Variants in TATDN2 observed in about 807,000 individuals in gnomAD.
TATDN2 encodes 3'-5' RNA nuclease TATDN2.
TATDN2 carries 44 observed loss-of-function variants against 60.3 expected under a neutral mutation model. The observed-to-expected ratio is 0.73, with a 90% CI of 0.57 to 0.94. The LOEUF (loss-of-function observed/expected upper bound fraction) is 0.94. TATDN2 is among the 40% of genes least tolerant of loss of function. The probability of loss-of-function intolerance (pLI) is 0.00; values close to 1 mark genes in which losing one functional copy is unlikely to be tolerated. For missense variants in TATDN2, 997 were observed against 948.0 expected (o/e 1.05, Z -0.68); for synonymous variants, 399 against 355.8 (o/e 1.12, Z -1.37).
rs1243806239 is a variant in TATDN2, at chr3:10,276,605, T to TC, written c.1961+118dup. ...CACTATCTATTCTTTTTTTTTTTTT[T>TC]CGAGACGGAATCTCACCCTGTCGCC... On this transcript the variant is annotated intron_variant, in intron 5 of 7. Coordinates refer to ENST00000448281, the MANE Select transcript of TATDN2 (RefSeq NM_014760.4). 6 of 1,269,156 alleles carry TC rather than the reference T, an allele frequency of 4.7e-6. No homozygotes were observed. The African/African-American group carries it at 6.1e-5, about 13-fold the overall frequency. The allele number at this position is 1,269,156 out of a possible 1,614,324, so 78.6% of individuals were successfully genotyped here. A position where few individuals can be genotyped will look rare whatever the true frequency, so the allele number is the denominator to read the frequency against.
At chr3:10,253,553 G>A (rs988917802) in intron 2 of TATDN2, among the ~76,000 whole-genome samples, 6 of 152,144 alleles carry the variant, frequency 3.9e-5, no homozygotes, top group Non-Finnish European at 8.8e-5. Context: ...ACTGTGTGAC[G>A]AGCACCTTCA....
chr3:10,266,931 C>CTTTTT (rs199956355), intron 3 of TATDN2, among the ~76,000 whole-genome samples: 6 of 126,884 alleles, frequency 4.7e-5, no homozygotes, highest in Admixed American at 2.5e-4. Context: ...CTAAGGCAGT[C>CTTTTT]TTTTTTTTTT....
Position 10,278,334 on chromosome 3 carries a change from A to C in TATDN2, c.2017A>C (p.Asn673His). 3 of 1,614,150 alleles carry C rather than the reference A, an allele frequency of 1.9e-6. No individual in the cohort carries two copies. The highest frequency in any genetic ancestry group is 2.5e-6 in the Non-Finnish European group (3 of 1,180,016). ...TGAGCCCCTGCTGAAGTACTTTCCC[A>C]ACATGTCTGTGGGCTTCACGGCAGT... is the stretch of plus-strand genomic sequence containing the variant. ...VIEPLLKYFP[N>H]MSVGFTAVLT... is the part of the protein sequence containing the mutation. Residue 673 changes from asparagine to histidine, a missense_variant, in exon 6 of 8, where the codon AAC becomes CAC. Transcript: ENST00000448281. The surrounding 1 kb of genome is among the most constrained non-coding windows in gnomAD (Gnocchi z 4.7).
chr3:10,276,592 T>C, intron 5 of TATDN2, 104 bp downstream of exon 5: 1 of 355,176 alleles, frequency 2.8e-6, no homozygotes, highest in South Asian at 9.1e-5. Context: ...CTATCTATTC[T>C]TTTTTTTTTT....
intron 4 of TATDN2, among the ~76,000 whole-genome samples, chr3:10,274,012 C>A (rs1379637699): frequency 1.3e-5 from 2 of 152,148 alleles, no homozygotes; most frequent in Non-Finnish European, 2.9e-5. Context: ...CCTGGGGCAA[C>A]TCCCAGGAGA....
Position 10,278,651 on chromosome 3 carries a change from C to T in TATDN2, c.2145+189C>T. ...GGGGGCTGAGAAGCTGAAGGGTAAC[C>T]ACTCTCTTCCAGGCAGTGCAAAGCC... On this transcript the variant is annotated intron_variant, in intron 6 of 7. Coordinates refer to ENST00000448281, the MANE Select transcript of TATDN2 (RefSeq NM_014760.4). This position sits in a 1 kb window ranked among gnomAD's most constrained non-coding sequence, Gnocchi z 4.7. 1 of 980,604 alleles carries T rather than the reference C, an allele frequency of 1.0e-6. No homozygotes were observed. Among genetic ancestry groups the T allele is most frequent in the Non-Finnish European group, 1.6e-6 (1 of 636,228 alleles). The allele number at this position is 980,604 out of a possible 1,614,324, so 60.7% of individuals were successfully genotyped here.
Position 10,249,570 on chromosome 3 carries a change from T to G in TATDN2, c.370T>G (p.Leu124Val), listed in dbSNP as rs1698190596. The G allele has an allele frequency of 6.5e-7, 1 of 1,546,040 alleles. No homozygotes were observed. Reference sequence around the variant, plus strand: ...CCCTCTGCGTCCTGCCAACGCCTCTTTGGAAGAAATGGCTTCTCTAGAGGA... The same window carrying G: ...CCCTCTGCGTCCTGCCAACGCCTCTGTGGAAGAAATGGCTTCTCTAGAGGA... ...GSPLRPANAS[L>V]EEMASLEEEA... is the part of the protein sequence containing the mutation. The change falls in exon 2 of 8, where the codon TTG becomes GTG. Residue 124 changes from leucine to valine, a missense_variant. Transcript: ENST00000448281.
intron 5 of TATDN2, 52 bp downstream of exon 5, chr3:10,276,540 A>C (rs1698640275): frequency 6.3e-7 from 1 of 1,591,612 alleles, no homozygotes. Flanking sequence ...TTCCTCTGTC[A>C]AGTTGATGAG....
rs1214757049 is a variant in TATDN2 at position 10,278,563 on chromosome 3, C to T, written c.2145+101C>T. The T allele has an allele frequency of 1.3e-6, 2 of 1,490,494 alleles. No individual in the cohort carries two copies. Among genetic ancestry groups the T allele is most frequent in the Non-Finnish European group, 1.9e-6 (2 of 1,075,012 alleles). 92.3% of individuals were successfully genotyped at this position (1,490,494 alleles called of 1,614,324 possible). On this transcript the variant is annotated intron_variant, in intron 6 of 7. Coordinates refer to ENST00000448281, the MANE Select transcript of TATDN2 (RefSeq NM_014760.4). This position sits in a 1 kb window ranked among gnomAD's most constrained non-coding sequence, Gnocchi z 4.7. The stretch of plus-strand genomic sequence containing the variant: ...GGCAGGGCCAGAGCCCCAGTGACTT[C>T]CAGGTCCCATCCTGGGCTGTGTAGA...
rs762086224 is a variant in TATDN2, at chr3:10,270,253, T to C, written c.1071T>C (p.Val357=). 4 of 1,614,184 alleles carry C rather than the reference T, an allele frequency of 2.5e-6. No individual in the cohort carries two copies. The highest frequency in any genetic ancestry group is 3.3e-5 in the Admixed American group (2 of 60,016). The change falls in exon 4 of 8, where the codon GTT becomes GTC. Residue 357 remains valine, a synonymous_variant. Transcript: ENST00000448281. ...EEPVSLKPSA[V]PEPSSFTTDY... ...CTGTCTCCCTGAAACCTTCAGCCGT[T>C]CCGGAGCCTTCTTCCTTCACCACCG...
At chr3:10,267,233 A>C (rs1698490629) in intron 3 of TATDN2, among the ~76,000 whole-genome samples, 1 of 151,666 alleles carries the variant, frequency 6.6e-6, no homozygotes. Context: ...GACAGTCTTG[A>C]ATATCGGCAG....
In TATDN2 at chr3:10,271,005, A is replaced by G. The variant is rs1490005154; in HGVS notation, c.1823A>G (p.Glu608Gly). Residue 608 changes from glutamate (E) to glycine (G), a missense_variant, in exon 4 of 8, where the codon GAA becomes GGA. Coordinates refer to ENST00000448281, the MANE Select transcript of TATDN2 (RefSeq NM_014760.4). ...TACAAGTGCACCACGCCTGTCCCAG[A>G]ACAGCACAAGGTAACAAGGCTCTCT... Reference protein sequence around the residue: ...YSYKCTTPVPEQHKVFERQLQ... With the variant: ...YSYKCTTPVPGQHKVFERQLQ... 6.3e-7 allele frequency: 1 copy of G among 1,578,016 alleles called. No individual in the cohort carries two copies.
At chr3:10,275,821 C>G (rs1306537775) in intron 4 of TATDN2, among the ~76,000 whole-genome samples, 1 of 152,020 alleles carries the variant, frequency 6.6e-6, no homozygotes, top group African/African-American at 2.4e-5. Context: ...GTTTCTTTAA[C>G]AAATATTTGA....
At position 10,248,485 on chromosome 3, in the gene TATDN2, G is replaced by A. The variant is rs1467781273; in HGVS notation, c.-589G>A. On this transcript the variant is annotated 5_prime_UTR_variant, in exon 1 of 8. Coordinates refer to ENST00000448281, the MANE Select transcript of TATDN2 (RefSeq NM_014760.4). ...TCGCTCTCCGGCCTGCGGGCCGCAG[G>A]GCTCGTTCCGGAGGGCGGGCGCCAC... 2 of 152,176 alleles carry A rather than the reference G, an allele frequency of 1.3e-5. No homozygotes were observed. The highest frequency in any genetic ancestry group is 2.9e-5 in the Non-Finnish European group (2 of 68,046). The allele number at this position is 152,176 out of a possible 1,614,324, so 9.4% of individuals were successfully genotyped here.
rs140414649 is a variant in TATDN2 at position 10,270,613 on chromosome 3, C to T, written c.1431C>T (p.His477=). 289 of 1,614,226 alleles carry T rather than the reference C, an allele frequency of 1.8e-4. No homozygotes were observed. In the African/African-American group the frequency reaches 2.7e-3, roughly 15 times the overall value. The change falls in exon 4 of 8, where the codon CAC becomes CAT. Residue 477 remains histidine (H), a synonymous_variant. Transcript: ENST00000448281. ...EEMPPRPCGG[H]ASSSLPKSHL... ...TGCCTCCGCGTCCTTGTGGAGGACA[C>T]GCATCCAGCTCCCTGCCAAAGAGCC... is the stretch of plus-strand genomic sequence containing the variant.
At chr3:10,254,772 A>G (rs781628650) in intron 2 of TATDN2, among the ~76,000 whole-genome samples, 2 of 152,044 alleles carry the variant, frequency 1.3e-5, no homozygotes, top group Non-Finnish European at 2.9e-5. Flanking sequence ...TTTCCTTTGG[A>G]GATGCACAGT....
At chr3:10,272,497 C>T (rs1166176420) in intron 4 of TATDN2, among the ~76,000 whole-genome samples, 3 of 150,068 alleles carry the variant, frequency 2.0e-5, no homozygotes, top group Non-Finnish European at 4.4e-5. Flanking sequence ...GGAGTGCAAT[C>T]GCATGATATT....
At position 10,248,696 on chromosome 3, in the gene TATDN2, G is replaced by GC. The variant is rs1478588074; in HGVS notation, c.-376dup. 2 of 151,856 alleles carry GC rather than the reference G, an allele frequency of 1.3e-5. No individual in the cohort carries two copies. The highest frequency in any genetic ancestry group is 2.9e-5 in the Non-Finnish European group (2 of 67,930). 9.4% of individuals were successfully genotyped at this position (151,856 alleles called of 1,614,324 possible). On this transcript the variant is annotated 5_prime_UTR_variant, in exon 1 of 8. Transcript: ENST00000448281. ...CCCCTTCCGGCCCGGGTCTGGTTGG[G>GC]CCGCAGGAGCAGGGCGGGCTGCGGC...
intron 3 of TATDN2, among the ~76,000 whole-genome samples, chr3:10,268,306 G>T (rs2125178290): frequency 1.3e-5 from 2 of 152,330 alleles, no homozygotes; most frequent in South Asian, 4.1e-4. Flanking sequence ...GTAGTTAGGG[G>T]TATGAAATAT....
Sources: allele counts gnomAD v4.1 joint callset (sites outside exome capture counted in the v4.1 genomes callset), GRCh38; gene constraint gnomAD v4.1.1; non-coding constraint Gnocchi (gnomAD v3.1); transcripts MANE v1.5; gene names NCBI Gene and HGNC (gene_info 2026-07-23, HGNC 2026-07-21).